The following ASAP2 variants were observed in gnomAD, a reference collection of about 807,000 sequenced individuals.
ASAP2 encodes ArfGAP with SH3 domain, ankyrin repeat and PH domain 2, also known as arf-GAP with SH3 domain, ANK repeat and PH domain-containing protein 2.
ASAP2 carries 45 observed loss-of-function variants against 131.4 expected under a neutral mutation model. That is an observed-to-expected ratio of 0.34 (90% CI 0.27 to 0.44). The LOEUF (loss-of-function observed/expected upper bound fraction) is 0.44, where lower values mean the gene tolerates loss of function less well. Among genes scored for constraint, ASAP2 ranks in the 20% least tolerant of loss-of-function variants. The pLI is 1.00. For missense variants in ASAP2, 1,011 were observed against 1,297.0 expected (o/e 0.78, Z 3.39); for synonymous variants, 510 against 503.0 (o/e 1.01, Z -0.19).
At chr2:9,218,805 G>A (rs1317741081) in intron 1 of ASAP2, among the ~76,000 whole-genome samples, 1 of 152,032 alleles carries the variant, frequency 6.6e-6, no homozygotes. Context: ...TTTGGCTGTC[G>A]TCTCTGTTTT....
At chr2:9,402,170 A>G (rs1391185077) in intron 27 of ASAP2, among the ~76,000 whole-genome samples, 3 of 152,184 alleles carry the variant, frequency 2.0e-5, no homozygotes, top group Non-Finnish European at 2.9e-5. Context: ...GAGTTTGGAC[A>G]CTGTCTTTAG....
intron 3 of ASAP2, among the ~76,000 whole-genome samples, chr2:9,317,331 C>T (rs1198809999): frequency 3.4e-4 from 2 of 5,804 alleles, no homozygotes; most frequent in Admixed American, 4.3e-3. Context: ...ACAATCATAT[C>T]TTCACTCACA....
chr2:9,260,831 G>A (rs773741642), intron 1 of ASAP2, among the ~76,000 whole-genome samples: 9 of 152,120 alleles, frequency 5.9e-5, no homozygotes, highest in Admixed American at 6.5e-5. Context: ...GAAGAGCCCC[G>A]GATTGTGTAA....
At chr2:9,362,851 T>A (rs557372553) in intron 15 of ASAP2, among the ~76,000 whole-genome samples, 2 of 152,156 alleles carry the variant, frequency 1.3e-5, no homozygotes, top group African/African-American at 4.8e-5. Flanking sequence ...CAAAACAAAA[T>A]TTTTAAGTAT....
chr2:9,209,008 C>G (rs1661347603), intron 1 of ASAP2, among the ~76,000 whole-genome samples: 1 of 152,160 alleles, frequency 6.6e-6, no homozygotes, highest in African/African-American at 2.4e-5. Context: ...ATACCTTTCT[C>G]TGATTAATTT....
At position 9,355,260 on chromosome 2, in the gene ASAP2, A is replaced by T. The variant is rs73148776; in HGVS notation, c.1112-787A>T. Among the ~76,000 whole-genome samples, 1,190 of 152,278 alleles carry T rather than the reference A, an allele frequency of 7.8e-3. 15 individuals are homozygous for T. Among genetic ancestry groups the T allele is most frequent in the Middle Eastern group, 0.024 (7 of 294 alleles). ...CCATGTTACATTTAGTTGTGATTTT[A>T]TCCTGGTCTCTTGCAGTCTGTATCG... On this transcript the variant is annotated intron_variant, in intron 12 of 27. Transcript: ENST00000281419.
At chr2:9,297,132 C>T (rs561670305) in intron 2 of ASAP2, among the ~76,000 whole-genome samples, 168 bp from the exon 3 acceptor site, 3 of 152,242 alleles carry the variant, frequency 2.0e-5, no homozygotes, top group Admixed American at 6.5e-5. Context: ...GCCGGCACCA[C>T]GGGTTGTTGT....
intron 1 of ASAP2, among the ~76,000 whole-genome samples, chr2:9,260,357 C>T (rs1027012517): frequency 2.2e-4 from 34 of 152,204 alleles, no homozygotes; most frequent in African/African-American, 7.2e-4. Flanking sequence ...GATCCCTGTG[C>T]ACCTTCGGGC....
intron 3 of ASAP2, among the ~76,000 whole-genome samples, chr2:9,302,291 G>C (rs1668549971): frequency 6.7e-6 from 1 of 150,226 alleles, no homozygotes; most frequent in South Asian, 2.1e-4. Flanking sequence ...TTCTGCCTCA[G>C]CCTCCCGAGT....
At chr2:9,399,907 G>A (rs912915726) in intron 24 of ASAP2, 116 bp from the exon 25 acceptor site, 2 of 1,050,904 alleles carry the variant, frequency 1.9e-6, no homozygotes, top group Admixed American at 2.1e-5. Flanking sequence ...TGACAGTGGA[G>A]GAAACCACCT....
chr2:9,211,418 T>C (rs1019707021), intron 1 of ASAP2, among the ~76,000 whole-genome samples: 1 of 152,162 alleles, frequency 6.6e-6, no homozygotes, highest in Admixed American at 6.5e-5. Context: ...TTCGAGCCTC[T>C]GGGCACTTTG....
intron 3 of ASAP2, among the ~76,000 whole-genome samples, chr2:9,315,473 A>G (rs1438021305): frequency 6.6e-6 from 1 of 152,214 alleles, no homozygotes; most frequent in Non-Finnish European, 1.5e-5. Flanking sequence ...CACTGGGGTC[A>G]GAGATGACTC....
chr2:9,279,195 C>G, intron 1 of ASAP2, 122 bp from the exon 2 acceptor site: 2 of 868,200 alleles, frequency 2.3e-6, no homozygotes, highest in Non-Finnish European at 1.9e-6. Context: ...GGAGGCTTGT[C>G]TCCCAGAAAC....
chr2:9,317,732 A>T, intron 3 of ASAP2, among the ~76,000 whole-genome samples: 1 of 150,290 alleles, frequency 6.7e-6, no homozygotes, highest in African/African-American at 2.5e-5. Context: ...TCACATTCAC[A>T]CTCACATCCA....
Position 9,279,400 on chromosome 2 carries a change from A to C in ASAP2, c.199+11A>C, listed in dbSNP as rs372104561. On this transcript the variant is annotated intron_variant, in intron 2 of 27. Coordinates refer to ENST00000281419, the MANE Select transcript of ASAP2 (RefSeq NM_003887.3). ...ACAGCTCTGGGCTGGGTGAGTATAC[A>C]TCCTTCCCTAGAGGTTTCTGTGTGG... 6.2e-7 allele frequency: 1 copy of C among 1,611,656 alleles called. No homozygotes were observed. The highest frequency in any genetic ancestry group is 8.5e-7 in the Non-Finnish European group (1 of 1,177,836).
intron 15 of ASAP2, among the ~76,000 whole-genome samples, chr2:9,359,303 T>G (rs952565577): frequency 6.6e-6 from 1 of 152,270 alleles, no homozygotes; most frequent in African/African-American, 2.4e-5. Flanking sequence ...AGCCTCCGAC[T>G]TCTCCCTACC....
rs1676919015 is a variant in ASAP2, at chr2:9,403,381, C to T, written c.*54C>T. On this transcript the variant is annotated 3_prime_UTR_variant, in exon 28 of 28. Transcript: ENST00000281419. Reference sequence around the variant, plus strand: ...TATGTTCCTGTTTCGTTATTGGTACCAAAACTCTTGCCAGATAACCAGTTT... The same window carrying T: ...TATGTTCCTGTTTCGTTATTGGTACTAAAACTCTTGCCAGATAACCAGTTT... The T allele has an allele frequency of 1.9e-6, 3 of 1,549,554 alleles. No homozygotes were observed. The highest frequency in any genetic ancestry group is 2.7e-5 in the African/African-American group (2 of 73,644).
intron 24 of ASAP2, chr2:9,399,174 C>G (rs1454503364): frequency 6.6e-6 from 1 of 152,264 alleles, no homozygotes. Context: ...TTCCGAGCAG[C>G]GAAGGGAGTG....
At chr2:9,397,748 ATATTTTTTTTT>A (rs1475876521) in intron 24 of ASAP2, among the ~76,000 whole-genome samples, 111 of 65,716 alleles carry the variant, frequency 1.7e-3, no homozygotes, top group African/African-American at 0.013. Flanking sequence ...ATATATATAT[ATATTTTTTTTT>A]TTTTTTTTTT....
Sources: allele counts gnomAD v4.1 joint callset (sites outside exome capture counted in the v4.1 genomes callset), GRCh38; gene constraint gnomAD v4.1.1; transcripts MANE v1.5; gene names NCBI Gene and HGNC (gene_info 2026-07-23, HGNC 2026-07-21).